Variants in EDIL3 observed in about 807,000 individuals in gnomAD.
EDIL3 encodes EGF like and discoidin domains 3.
In EDIL3, 37 loss-of-function variants were observed where a neutral mutation model predicts 67.4. The observed-to-expected ratio is 0.55, with a 90% CI of 0.42 to 0.72. The LOEUF is 0.72. EDIL3 is among the 30% of genes least tolerant of loss of function. EDIL3 has a pLI of 0.00. For synonymous variants in EDIL3, 195 were observed against 196.3 expected (o/e 0.99, Z 0.05); for missense variants, 527 against 586.3 (o/e 0.90, Z 1.04).
intron 2 of EDIL3, among the ~76,000 whole-genome samples, chr5:84,245,248 T>C (rs1744885993): frequency 6.6e-6 from 1 of 152,224 alleles, no homozygotes; most frequent in African/African-American, 2.4e-5. Flanking sequence ...AAAGGAGATA[T>C]AATCACATTA....
At chr5:84,078,489 A>T (rs903723509) in intron 6 of EDIL3, 1 of 152,216 alleles carries the variant, frequency 6.6e-6, no homozygotes, top group Non-Finnish European at 1.5e-5. Flanking sequence ...CTCTCCAATA[A>T]TTGACTTCAA....
rs1747468625 is a variant in EDIL3 at position 84,106,651 on chromosome 5, G to A, written c.649C>T (p.Gln217Ter). The A allele has an allele frequency of 1.3e-6, 2 of 1,599,832 alleles. No individual in the cohort carries two copies. The highest frequency in any genetic ancestry group is 1.7e-6 in the Non-Finnish European group (2 of 1,174,808). The change falls in exon 6 of 11, where the codon CAG (glutamine) becomes TAG (stop). Residue 217 changes from glutamine (Q) to a stop codon, truncating the protein, a stop_gained and splice_region_variant. Transcript: ENST00000296591. LOFTEE classifies it high-confidence loss of function. ...AAENDRWPWI[Q>*]INLQRKMRVT... Reference sequence around the variant, plus strand: ...CCTTGTCCCATCCCATCTGTTACCTGAATCCACGGCCATCTGTCATTTTCT... The same window carrying A: ...CCTTGTCCCATCCCATCTGTTACCTAAATCCACGGCCATCTGTCATTTTCT...
At chr5:84,324,978 A>G (rs1394459482) in intron 1 of EDIL3, among the ~76,000 whole-genome samples, 1 of 151,778 alleles carries the variant, frequency 6.6e-6, no homozygotes, top group Non-Finnish European at 1.5e-5. Flanking sequence ...CAAATGTTTA[A>G]TGACAAACTA....
intron 1 of EDIL3, among the ~76,000 whole-genome samples, chr5:84,368,484 A>T (rs1747783657): frequency 1.3e-5 from 2 of 152,202 alleles, no homozygotes; most frequent in South Asian, 4.1e-4. Flanking sequence ...TGAACTCAAA[A>T]TAGATCAAAT....
At chr5:84,205,534 T>C (rs997875093) in intron 3 of EDIL3, among the ~76,000 whole-genome samples, 5 of 152,166 alleles carry the variant, frequency 3.3e-5, no homozygotes, top group African/African-American at 1.2e-4. Context: ...TGTGAATCCA[T>C]CTGGTCCTGG....
intron 9 of EDIL3, among the ~76,000 whole-genome samples, chr5:84,036,450 A>T (rs1746023444): frequency 6.6e-6 from 1 of 152,202 alleles, no homozygotes; most frequent in African/African-American, 2.4e-5. Context: ...TGTGCTCCAG[A>T]AAAGACAGAT....
At chr5:83,961,029 C>T (rs957530583) in intron 10 of EDIL3, among the ~76,000 whole-genome samples, 2 of 150,932 alleles carry the variant, frequency 1.3e-5, no homozygotes, top group African/African-American at 4.8e-5. Context: ...ACTAAAAAAT[C>T]ATATGCTAAG....
intron 1 of EDIL3, among the ~76,000 whole-genome samples, chr5:84,276,168 C>T (rs1037042995): frequency 6.6e-6 from 1 of 152,076 alleles, no homozygotes; most frequent in Admixed American, 6.6e-5. Context: ...TTATCTCATT[C>T]TTTTGTTGGC....
At chr5:83,996,161 T>C (rs1745235642) in intron 9 of EDIL3, among the ~76,000 whole-genome samples, 1 of 152,178 alleles carries the variant, frequency 6.6e-6, no homozygotes, top group Non-Finnish European at 1.5e-5. Flanking sequence ...GTAAGTGCCA[T>C]TGAACAAATG....
chr5:84,240,142 T>C (rs1317485321), intron 2 of EDIL3, among the ~76,000 whole-genome samples: 1 of 152,158 alleles, frequency 6.6e-6, no homozygotes, highest in Non-Finnish European at 1.5e-5. Context: ...GACCAAGTCC[T>C]GTCAAAAATA....
intron 10 of EDIL3, among the ~76,000 whole-genome samples, chr5:83,944,791 C>T (rs1473729018): frequency 6.6e-6 from 1 of 151,782 alleles, no homozygotes; most frequent in Non-Finnish European, 1.5e-5. Flanking sequence ...AGATAATTTT[C>T]TTTCTTGTTT....
At chr5:84,102,648 C>T (rs1747388943) in intron 6 of EDIL3, among the ~76,000 whole-genome samples, 1 of 151,634 alleles carries the variant, frequency 6.6e-6, no homozygotes, top group African/African-American at 2.4e-5. Context: ...AAAAAACCCT[C>T]CTAGGAATAC....
intron 2 of EDIL3, among the ~76,000 whole-genome samples, chr5:84,233,671 C>T (rs1178029324): frequency 1.3e-5 from 2 of 152,076 alleles, no homozygotes; most frequent in African/African-American, 4.8e-5. Context: ...AGGCATGTGA[C>T]CCATTTGGGG....
intron 5 of EDIL3, among the ~76,000 whole-genome samples, chr5:84,128,650 A>G (rs1331549981): frequency 6.6e-6 from 1 of 152,098 alleles, no homozygotes; most frequent in Admixed American, 6.6e-5. Flanking sequence ...GATAGCTGAA[A>G]GAGTGATATT....
chr5:84,078,097 C>T (rs1262580327), intron 6 of EDIL3, among the ~76,000 whole-genome samples: 2 of 152,112 alleles, frequency 1.3e-5, no homozygotes, highest in Non-Finnish European at 1.5e-5. Flanking sequence ...CTAGCATAGC[C>T]ATTTCTATCT....
chr5:84,094,231 A>G (rs1747220099), intron 6 of EDIL3, among the ~76,000 whole-genome samples: 1 of 152,204 alleles, frequency 6.6e-6, no homozygotes, highest in African/African-American at 2.4e-5. Flanking sequence ...ACTATGTATG[A>G]AAAACTCATT....
At chr5:84,301,664 G>T (rs954220993) in intron 1 of EDIL3, among the ~76,000 whole-genome samples, 1 of 152,132 alleles carries the variant, frequency 6.6e-6, no homozygotes, top group Non-Finnish European at 1.5e-5. Context: ...CATGCTGCAG[G>T]CCACTGTGAC....
At chr5:84,180,307 A>G (rs191186730) in intron 4 of EDIL3, 86 bp downstream of exon 4, 2 of 1,419,796 alleles carry the variant, frequency 1.4e-6, no homozygotes, top group East Asian at 5.0e-5. Flanking sequence ...CTCAGATTCT[A>G]TGATTCTACT....
intron 5 of EDIL3, among the ~76,000 whole-genome samples, chr5:84,114,115 C>T (rs908070613): frequency 8.1e-5 from 12 of 148,810 alleles, no homozygotes; most frequent in East Asian, 3.9e-4. Context: ...CTCTTTCTCA[C>T]GCTGTGGCCT....
Sources: gnomAD v4.1 joint callset for allele counts (sites outside exome capture counted in the v4.1 genomes callset) on GRCh38, gnomAD v4.1.1 for gene constraint, MANE v1.5 for transcripts, NCBI Gene and HGNC (gene_info 2026-07-23, HGNC 2026-07-21) for gene names.